PCGF2: variants seen among roughly 807,000 people sequenced by gnomAD.
The protein encoded by PCGF2 is polycomb group ring finger 2.
Under a neutral mutation model 36.1 loss-of-function variants are expected in PCGF2, and 8 were observed. The ratio of observed to expected loss-of-function variants is 0.22; its 90% CI spans 0.13 to 0.40. The LOEUF (loss-of-function observed/expected upper bound fraction) is 0.40. Among genes scored for constraint, PCGF2 ranks in the 10% least tolerant of loss-of-function variants. The pLI is 1.00. For missense variants in PCGF2, 436 were observed against 475.9 expected, an observed-to-expected ratio of 0.92 and a Z score of 0.78; for synonymous variants, 198 against 191.2, an observed-to-expected ratio of 1.04 and a Z score of -0.29.
At chr17:38,742,972 G>A (rs761884747) in intron 2 of PCGF2, among the ~76,000 whole-genome samples, 9 of 152,104 alleles carry the variant, frequency 5.9e-5, no homozygotes, top group Non-Finnish European at 1.0e-4. Context: ...TCTATCTCCC[G>A]TTCACCCTCA....
rs201873995 is a variant in PCGF2 at position 38,738,516 on chromosome 17, G to A, written c.480+25C>T. 69 of 1,611,916 alleles carry A rather than the reference G, an allele frequency of 4.3e-5. No individual in the cohort carries two copies. The African/African-American group carries it at 7.3e-4, about 17-fold the overall frequency. On this transcript the variant is annotated intron_variant, in intron 8 of 10. Coordinates refer to ENST00000620225, the MANE Select transcript of PCGF2 (RefSeq NM_007144.3). Reference sequence around the variant, plus strand: ...CCACTCCCTCCCAGCCCACATTCCAGTCCTGGGCAGGCCCCAGCACTCACT... The same window carrying A: ...CCACTCCCTCCCAGCCCACATTCCAATCCTGGGCAGGCCCCAGCACTCACT...
Position 38,738,605 on chromosome 17 carries a change from G to A in PCGF2, c.426-10C>T. 6.4e-7 allele frequency: 1 copy of A among 1,567,474 alleles called. No individual in the cohort carries two copies. The highest frequency in any genetic ancestry group is 8.6e-7 in the Non-Finnish European group (1 of 1,158,084). On this transcript the variant is annotated splice_polypyrimidine_tract_variant and intron_variant, in intron 7 of 10. Coordinates refer to ENST00000620225, the MANE Select transcript of PCGF2 (RefSeq NM_007144.3). The stretch of plus-strand genomic sequence containing the variant: ...CTTCTCGTCCCGGTCCCTGGGGACG[G>A]AGAAAGAATGAAGCTAGGAAGACCC...
chr17:38,736,695 G>A (rs986034399), intron 9 of PCGF2, among the ~76,000 whole-genome samples: 18 of 152,142 alleles, frequency 1.2e-4, no homozygotes, highest in Non-Finnish European at 2.2e-4. Flanking sequence ...TTAGCTGGGC[G>A]TGGTGGCGGG....
Position 38,740,415 on chromosome 17 carries a change from G to T in PCGF2, c.-13C>A. 9.0e-7 allele frequency: 1 copy of T among 1,115,756 alleles called. No individual in the cohort carries two copies. The highest frequency in any genetic ancestry group is 1.3e-6 in the Non-Finnish European group (1 of 758,646). The allele number at this position is 1,115,756 out of a possible 1,614,324, so 69.1% of individuals were successfully genotyped here. ...TAGTCCGATGCATGATTCCGGGGTC[G>T]GGGGTGGGGGGACTGGGGAGCGTTG... On this transcript the variant is annotated 5_prime_UTR_variant, in exon 3 of 11. Coordinates refer to ENST00000620225, the MANE Select transcript of PCGF2 (RefSeq NM_007144.3).
intron 10 of PCGF2, 57 bp downstream of exon 10, chr17:38,736,033 G>T: frequency 1.7e-6 from 2 of 1,186,808 alleles, no homozygotes; most frequent in Non-Finnish European, 2.5e-6. Context: ...TGTGGCCACA[G>T]ACCTATGCCA....
chr17:38,736,221 A>C (rs547334080), intron 9 of PCGF2, 51 bp from the exon 10 acceptor site: 1 of 1,236,954 alleles, frequency 8.1e-7, no homozygotes, highest in East Asian at 2.5e-5. Context: ...TCGGGGCTCC[A>C]GGCTGGGAAT....
At chr17:38,740,506 T>C in intron 2 of PCGF2, 64 bp from the exon 3 acceptor site, 3 of 1,270,042 alleles carry the variant, frequency 2.4e-6, no homozygotes, top group Non-Finnish European at 3.3e-6. Context: ...ACGCCTGTAA[T>C]CCCAGCACTT....
intron 2 of PCGF2, among the ~76,000 whole-genome samples, chr17:38,741,574 G>T (rs1368383734): frequency 6.6e-6 from 1 of 152,116 alleles, no homozygotes; most frequent in Non-Finnish European, 1.5e-5. Context: ...AAGTTAGAAG[G>T]CCGCAGCCAT....
rs761851035 is a variant in PCGF2, at chr17:38,738,794, A to T, written c.384T>A (p.Asp128Glu). 2 of 1,605,704 alleles carry T rather than the reference A, an allele frequency of 1.2e-6. No individual in the cohort carries two copies. Among genetic ancestry groups the T allele is most frequent in the Admixed American group, 3.3e-5 (2 of 59,950 alleles). The change falls in exon 7 of 11, where the codon GAT becomes GAA. Residue 128 changes from aspartate to glutamate, a missense_variant. Asp to Glu is a conservative substitution (Grantham distance 45, BLOSUM62 2). Around this residue, in one of 3 missense-constraint regions of PCGF2, gnomAD observed 189 missense variants for 219.3 expected, o/e 0.86. Coordinates refer to ENST00000620225, the MANE Select transcript of PCGF2 (RefSeq NM_007144.3). Reference sequence around the variant, plus strand: ...ATTCGATGGAGAGGCTGACAATCTCATCATCACTCAGAGCCCCCTTCTCCT... The same window carrying T: ...ATTCGATGGAGAGGCTGACAATCTCTTCATCACTCAGAGCCCCCTTCTCCT... ...LEQEKGALSD[D>E]EIVSLSIEFY...
At position 38,739,018 on chromosome 17, in the gene PCGF2, A is replaced by C; in HGVS notation, c.316+50T>G. On this transcript the variant is annotated intron_variant, in intron 6 of 10. Coordinates refer to ENST00000620225, the MANE Select transcript of PCGF2 (RefSeq NM_007144.3). This position sits in a 1 kb window ranked among gnomAD's most constrained non-coding sequence, Gnocchi z 4.0. ...GTGAGGGGTAGCGCTACACACCTAC[A>C]TGGTCCCAGGCAAGACTGTGCACAC... 2 of 1,605,370 alleles carry C rather than the reference A, an allele frequency of 1.2e-6. No homozygotes were observed. Among genetic ancestry groups the C allele is most frequent in the Non-Finnish European group, 1.7e-6 (2 of 1,173,844 alleles).
upstream of PCGF2, chr17:38,749,480 T>C (rs143064827): frequency 3.1e-5 from 12 of 390,540 alleles, no homozygotes; most frequent in Non-Finnish European, 5.4e-5. The surrounding 1 kb of genome is among the most constrained non-coding windows in gnomAD (Gnocchi z 6.5). Flanking sequence ...CGATACTGCG[T>C]TACTGGACGC....
At chr17:38,749,664 G>A (rs1461234368), upstream of PCGF2, 1 of 455,954 alleles carries the variant, frequency 2.2e-6, no homozygotes, top group African/African-American at 2.0e-5. The surrounding 1 kb of genome is among the most constrained non-coding windows in gnomAD (Gnocchi z 6.5). Flanking sequence ...TCTTCGCCCA[G>A]TTTTGGAGCG....
intron 2 of PCGF2, among the ~76,000 whole-genome samples, chr17:38,742,734 C>T (rs1598019778): frequency 6.6e-6 from 1 of 152,228 alleles, no homozygotes; most frequent in East Asian, 1.9e-4. Flanking sequence ...ATTATTACAA[C>T]CATCCAGAGG....
At position 38,739,879 on chromosome 17, in the gene PCGF2, G is replaced by A. The variant is rs1012058422; in HGVS notation, c.113-197C>T. 6.6e-6 allele frequency among the ~76,000 whole-genome samples: 1 copy of A among 152,154 alleles called. No homozygotes were observed. The highest frequency in any genetic ancestry group is 6.5e-5 in the Admixed American group (1 of 15,270). On this transcript the variant is annotated intron_variant, in intron 3 of 10. Coordinates refer to ENST00000620225, the MANE Select transcript of PCGF2 (RefSeq NM_007144.3). The surrounding 1 kb of genome is among the most constrained non-coding windows in gnomAD (Gnocchi z 4.0). ...TTGAGGGAAGCTGGATCTTGTGTGA[G>A]ACAGGCCAGTGTCATGTACAATGCA...
intron 2 of PCGF2, among the ~76,000 whole-genome samples, chr17:38,740,940 G>A (rs1907165698): frequency 6.6e-6 from 1 of 152,124 alleles, no homozygotes; most frequent in African/African-American, 2.4e-5. Flanking sequence ...TGGGTGCCCA[G>A]GCTCTGGAGA....
In PCGF2 at chr17:38,735,314, C is replaced by G. The variant is rs1049689204; in HGVS notation, c.944G>C (p.Gly315Ala). The stretch of plus-strand genomic sequence containing the variant: ...TGTCTGCAGGCAGTTCAAGCTACCC[C>G]CGTTGGCAGCTGTGGTGGCCCCACT... ...TASGATTAAN[G>A]GSLNCLQTPS... Residue 315 changes from glycine (G) to alanine (A), a missense_variant, in exon 11 of 11, where the codon GGG becomes GCG. Gly to Ala is a moderately conservative substitution (Grantham distance 60). Coordinates refer to ENST00000620225, the MANE Select transcript of PCGF2 (RefSeq NM_007144.3). 8.5e-6 allele frequency: 13 copies of G among 1,534,022 alleles called. No individual in the cohort carries two copies. The highest frequency in any genetic ancestry group is 3.7e-5 in the South Asian group (3 of 80,422).
At chr17:38,736,282 C>G in intron 9 of PCGF2, 112 bp from the exon 10 acceptor site, 1 of 700,826 alleles carries the variant, frequency 1.4e-6, no homozygotes, top group East Asian at 2.7e-5. Flanking sequence ...ACAGATGGTC[C>G]CTTATTTCTC....
upstream of PCGF2, among the ~76,000 whole-genome samples, chr17:38,749,072 C>T (rs943255465): frequency 2.0e-5 from 3 of 152,152 alleles, no homozygotes; most frequent in Admixed American, 2.0e-4. The surrounding 1 kb of genome is among the most constrained non-coding windows in gnomAD (Gnocchi z 6.5). Context: ...GCTGCGCCCC[C>T]GGCGTGCTCG....
intron 2 of PCGF2, among the ~76,000 whole-genome samples, chr17:38,744,759 C>T (rs1298267288): frequency 6.6e-6 from 1 of 152,204 alleles, no homozygotes. Flanking sequence ...CTCCCAGCCC[C>T]AAGGCCCCTG....
Sources: gnomAD v4.1 joint callset for allele counts (sites outside exome capture counted in the v4.1 genomes callset) on GRCh38, gnomAD v4.1.1 for gene constraint, gnomAD v4.1.1 regional missense constraint, Gnocchi (gnomAD v3.1) non-coding constraint, MANE v1.5 for transcripts, NCBI Gene and HGNC (gene_info 2026-07-23, HGNC 2026-07-21) for gene names.